The following ATF7IP2 variants were observed in gnomAD, a reference collection of about 807,000 sequenced individuals.
ATF7IP2 encodes activating transcription factor 7-interacting protein 2.
ATF7IP2 carries 42 observed loss-of-function variants against 64.2 expected under a neutral mutation model. The ratio of observed to expected loss-of-function variants is 0.65; its 90% CI spans 0.51 to 0.85. ATF7IP2 has a LOEUF of 0.85. ATF7IP2 is among the 40% of genes least tolerant of loss of function. The pLI is 0.00. For missense variants in ATF7IP2, 933 were observed against 784.2 expected, an observed-to-expected ratio of 1.19 and a Z score of -2.27; for synonymous variants, 308 against 272.8, an observed-to-expected ratio of 1.13 and a Z score of -1.27.
At position 10,451,281 on chromosome 16, in the gene ATF7IP2, C is replaced by T. The variant is rs1007054866; in HGVS notation, c.1195-6091C>T. On this transcript the variant is annotated intron_variant, in intron 8 of 13. Transcript: ENST00000562102. Reference sequence around the variant, plus strand: ...TTCATTTCAACCTTGGTGAATCTGACGATTATGTGTCTTAGGGTTGCTCTT... The same window carrying T: ...TTCATTTCAACCTTGGTGAATCTGATGATTATGTGTCTTAGGGTTGCTCTT... Among the ~76,000 whole-genome samples the T allele has an allele frequency of 5.9e-5, 9 of 152,100 alleles. No individual in the cohort carries two copies. In the South Asian group the frequency reaches 8.3e-4, roughly 14 times the overall value.
chr16:10,435,639 T>G (rs569868462), intron 6 of ATF7IP2, among the ~76,000 whole-genome samples: 26 of 152,234 alleles, frequency 1.7e-4, no homozygotes, highest in Non-Finnish European at 3.5e-4. Flanking sequence ...TGATCAAATT[T>G]AAGGACCTGT....
rs558701060 is a variant in ATF7IP2 at position 10,459,197 on chromosome 16, G to A, written c.1352+1668G>A. Among the ~76,000 whole-genome samples, 28 of 152,162 alleles carry A rather than the reference G, an allele frequency of 1.8e-4. No homozygotes were observed. The South Asian group carries it at 2.7e-3, about 15-fold the overall frequency. On this transcript the variant is annotated intron_variant, in intron 9 of 13. Coordinates refer to ENST00000562102, the MANE Select transcript of ATF7IP2 (RefSeq NM_001393719.1). Reference sequence around the variant, plus strand: ...AAAAATACAAAATTAGGCCCGGTGCGGTGGCTCACGCCTTCCATCCCAGCA... The same window carrying A: ...AAAAATACAAAATTAGGCCCGGTGCAGTGGCTCACGCCTTCCATCCCAGCA...
chr16:10,392,637 C>T (rs2047349191), intron 1 of ATF7IP2, among the ~76,000 whole-genome samples: 1 of 151,874 alleles, frequency 6.6e-6, no homozygotes. Context: ...ATATCAACAC[C>T]CAATAAAATA....
intron 12 of ATF7IP2, among the ~76,000 whole-genome samples, chr16:10,479,653 A>G (rs550285235): frequency 6.6e-6 from 1 of 152,118 alleles, no homozygotes; most frequent in African/African-American, 2.4e-5. Flanking sequence ...AAGTATAATA[A>G]TAATTAAAAA....
intron 9 of ATF7IP2, among the ~76,000 whole-genome samples, chr16:10,470,109 G>A (rs1003508443): frequency 1.3e-5 from 2 of 152,096 alleles, no homozygotes; most frequent in Non-Finnish European, 2.9e-5. Context: ...GACAGACATT[G>A]TAAATATGTT....
intron 3 of ATF7IP2, among the ~76,000 whole-genome samples, chr16:10,420,497 C>T (rs1378856551): frequency 6.6e-6 from 1 of 152,140 alleles, no homozygotes; most frequent in South Asian, 2.1e-4. Flanking sequence ...AATGCTATAC[C>T]TGCGTTTGAG....
rs142431155 is a variant in ATF7IP2, at chr16:10,439,901, C to T, written c.1096-463C>T. On this transcript the variant is annotated intron_variant, in intron 7 of 13. Coordinates refer to ENST00000562102, the MANE Select transcript of ATF7IP2 (RefSeq NM_001393719.1). ...AGCATAGGCTGGGCACGGTGGCTCA[C>T]GCCTGTAATCCCAGCACTTTGGGAG... 4.3e-3 allele frequency among the ~76,000 whole-genome samples: 650 copies of T among 151,794 alleles called. 2 individuals are homozygous for T. Among genetic ancestry groups the T allele is most frequent in the African/African-American group, 0.015 (621 of 41,448 alleles).
intron 1 of ATF7IP2, among the ~76,000 whole-genome samples, chr16:10,395,892 T>C (rs2047410927): frequency 6.6e-6 from 1 of 152,110 alleles, no homozygotes; most frequent in Non-Finnish European, 1.5e-5. Flanking sequence ...CTATTCAACA[T>C]TGTACTGGAG....
In ATF7IP2 at chr16:10,483,114, T is replaced by G. The variant is rs2050296666; in HGVS notation, c.*865T>G. 1 of 152,252 alleles carries G rather than the reference T, an allele frequency of 6.6e-6. No homozygotes were observed. Among genetic ancestry groups the G allele is most frequent in the South Asian group, 2.1e-4 (1 of 4,828 alleles). 9.4% of individuals were successfully genotyped at this position (152,252 alleles called of 1,614,324 possible). A position where few individuals can be genotyped will look rare whatever the true frequency, so the allele number is the denominator to read the frequency against. ...TGCTCTCCTCTTTTTTGTTTTGTTTTGCACTTTGTCAATCATTTGGGGAAA... is the reference window on the plus strand; with the variant it reads ...TGCTCTCCTCTTTTTTGTTTTGTTTGGCACTTTGTCAATCATTTGGGGAAA... On this transcript the variant is annotated 3_prime_UTR_variant, in exon 14 of 14. Transcript: ENST00000562102.
intron 9 of ATF7IP2, 89 bp downstream of exon 9, chr16:10,457,618 G>T: frequency 1.0e-6 from 1 of 978,464 alleles, no homozygotes; most frequent in Non-Finnish European, 1.5e-6. Flanking sequence ...TTGTAATATT[G>T]ATTATTCTTA....
intron 12 of ATF7IP2, among the ~76,000 whole-genome samples, chr16:10,479,871 C>T (rs372094782): frequency 1.1e-4 from 17 of 148,368 alleles, no homozygotes; most frequent in Non-Finnish European, 1.9e-4. Flanking sequence ...AATAGGAATG[C>T]GTTTACACTG....
At chr16:10,470,848 T>C (rs901965678) in intron 9 of ATF7IP2, among the ~76,000 whole-genome samples, 10 of 131,576 alleles carry the variant, frequency 7.6e-5, no homozygotes, top group African/African-American at 3.6e-4. Context: ...TGTGTGTGTA[T>C]ATATATGTGT....
rs2048230569 is a variant in ATF7IP2, at chr16:10,431,077, A to C, written c.457A>C (p.Arg153=). Residue 153 remains arginine (R), a synonymous_variant, in exon 5 of 14, where the codon AGA becomes CGA. Transcript: ENST00000562102. ...TTCTGAGCATCAGACAAATGTAACA[A>C]GATCCCTTTTTGAGCATGAGGGGGC... ...NDSEHQTNVT[R]SLFEHEGACS... 4.3e-6 allele frequency: 7 copies of C among 1,614,074 alleles called. No individual in the cohort carries two copies. Among genetic ancestry groups the C allele is most frequent in the South Asian group, 2.2e-5 (2 of 91,086 alleles).
chr16:10,412,168 A>G (rs899580369), intron 1 of ATF7IP2, among the ~76,000 whole-genome samples: 16 of 148,676 alleles, frequency 1.1e-4, no homozygotes, highest in Admixed American at 2.7e-4. Flanking sequence ...TTTTGTTTCA[A>G]TTTCATTTAG....
At chr16:10,478,962 C>T (rs1218188900) in intron 12 of ATF7IP2, among the ~76,000 whole-genome samples, 11 of 151,896 alleles carry the variant, frequency 7.2e-5, no homozygotes, top group African/African-American at 2.7e-4. Flanking sequence ...TACCATCTCA[C>T]ACCAGTTAGA....
At chr16:10,408,661 G>A (rs1000240659) in intron 1 of ATF7IP2, among the ~76,000 whole-genome samples, 7 of 152,058 alleles carry the variant, frequency 4.6e-5, no homozygotes, top group African/African-American at 7.2e-5. Flanking sequence ...TGTTCATTTC[G>A]TTAGCCCACT....
At chr16:10,440,724 T>C (rs984928701) in intron 8 of ATF7IP2, among the ~76,000 whole-genome samples, 1 of 152,202 alleles carries the variant, frequency 6.6e-6, no homozygotes, top group Non-Finnish European at 1.5e-5. Flanking sequence ...TCATGAAAAG[T>C]ATCAAATATA....
intron 2 of ATF7IP2, among the ~76,000 whole-genome samples, chr16:10,418,376 TGGGGCCTGTTGATGGCCAGATTTG>T (rs1214027078): frequency 2.0e-5 from 3 of 152,220 alleles, no homozygotes; most frequent in African/African-American, 7.2e-5. Flanking sequence ...TGGCCAGTTT[TGGGGCCTGTTGATGGCCAGATTTG>T]GGGGCCTGTT....
intron 8 of ATF7IP2, chr16:10,448,022 A>G (rs1213586492): frequency 6.6e-6 from 1 of 152,248 alleles, no homozygotes; most frequent in Non-Finnish European, 1.5e-5. Flanking sequence ...CATTTATTAA[A>G]TAGGGAATCC....
Sources: allele counts gnomAD v4.1 joint callset (sites outside exome capture counted in the v4.1 genomes callset), GRCh38; gene constraint gnomAD v4.1.1; transcripts MANE v1.5; gene names NCBI Gene and HGNC (gene_info 2026-07-23, HGNC 2026-07-21).